CLEC3A: variants seen among roughly 807,000 people sequenced by gnomAD.
The protein encoded by CLEC3A is C-type (calcium dependent, carbohydrate-recognition domain) lectin, superfamily member 1 (cartilage-derived).
CLEC3A carries 28 observed loss-of-function variants against 20.4 expected under a neutral mutation model. The ratio of observed to expected loss-of-function variants is 1.37; its 90% CI spans 1.02 to 1.88. CLEC3A has a LOEUF of 1.88. Among genes scored for constraint, CLEC3A ranks in the 40% most tolerant of loss-of-function variants. The pLI, the probability that CLEC3A is intolerant of heterozygous loss-of-function variation, is 0.00. For synonymous variants in CLEC3A, 110 were observed against 88.1 expected (o/e 1.25, Z -1.39); for missense variants, 357 against 240.4 (o/e 1.48, Z -3.21).
intron 2 of CLEC3A, among the ~76,000 whole-genome samples, chr16:78,029,562 G>A (rs1196968213): frequency 1.3e-5 from 2 of 152,010 alleles, no homozygotes; most frequent in African/African-American, 2.4e-5. Context: ...TACAGACGGG[G>A]TTTCACTATG....
At chr16:78,023,275 C>A (rs1336517634) in intron 1 of CLEC3A, among the ~76,000 whole-genome samples, 1 of 152,078 alleles carries the variant, frequency 6.6e-6, no homozygotes, top group Non-Finnish European at 1.5e-5. Flanking sequence ...TAAGGACAAC[C>A]TATACCATAT....
Position 78,022,754 on chromosome 16 carries a change from C to G in CLEC3A, c.115+13C>G. 2 of 1,612,570 alleles carry G rather than the reference C, an allele frequency of 1.2e-6. No individual in the cohort carries two copies. ...CGTCGAGTGAGAGGTAATGGGGCTTCTCAATCAAGCAAAATTCTAGGCTTA... is the reference window on the plus strand; with the variant it reads ...CGTCGAGTGAGAGGTAATGGGGCTTGTCAATCAAGCAAAATTCTAGGCTTA... On this transcript the variant is annotated intron_variant, in intron 1 of 2. Transcript: ENST00000299642.
rs1242304404 is a variant in CLEC3A at position 78,032,010 on chromosome 16, T to C, written c.*1169T>C. On this transcript the variant is annotated 3_prime_UTR_variant, in exon 3 of 3. Coordinates refer to ENST00000299642, the MANE Select transcript of CLEC3A (RefSeq NM_005752.6). ...AACATTGAATGTGTTTTGTGAACAA[T>C]ATCCCACTTTGCAAACTTTAACTAC... 1.3e-5 allele frequency: 2 copies of C among 152,622 alleles called. No homozygotes were observed. Among genetic ancestry groups the C allele is most frequent in the East Asian group, 1.9e-4 (1 of 5,202 alleles). The allele number at this position is 152,622 out of a possible 1,614,324, so 9.5% of individuals were successfully genotyped here.
rs993215500 is a variant in CLEC3A at position 78,030,521 on chromosome 16, A to C, written c.274A>C (p.Asn92His). Reference sequence around the variant, plus strand: ...AGGTTTGAAGCATTTCCATGAGGCCAATGAAGACTGCATTTCCAAAGGAGG... The same window carrying C: ...AGGTTTGAAGCATTTCCATGAGGCCCATGAAGACTGCATTTCCAAAGGAGG... ...SEGLKHFHEA[N>H]EDCISKGGIL... The change falls in exon 3 of 3, where the codon AAT (asparagine) becomes CAT (histidine). Residue 92 changes from asparagine (N) to histidine (H), a missense_variant. Asn to His is a moderately conservative substitution (Grantham distance 68). Transcript: ENST00000299642. 1 of 1,614,178 alleles carries C rather than the reference A, an allele frequency of 6.2e-7. No individual in the cohort carries two copies. The highest frequency in any genetic ancestry group is 1.6e-4 in the Middle Eastern group (1 of 6,062).
chr16:78,026,578 G>T (rs2029928758), intron 1 of CLEC3A, among the ~76,000 whole-genome samples: 1 of 152,180 alleles, frequency 6.6e-6, no homozygotes, highest in Non-Finnish European at 1.5e-5. Context: ...TCTTTCTTCT[G>T]CAGAATGGAG....
Position 78,027,247 on chromosome 16 carries a change from AC to A in CLEC3A, c.116-859del, listed in dbSNP as rs1447495040. On this transcript the variant is annotated intron_variant, in intron 1 of 2. Transcript: ENST00000299642. Reference sequence around the variant, plus strand: ...ATAGAGAAAAGAAAATATACAGAATACTCTATAAAATATGGAATAAAATAAA... The same window carrying A: ...ATAGAGAAAAGAAAATATACAGAATATCTATAAAATATGGAATAAAATAAA... Among the ~76,000 whole-genome samples the A allele has an allele frequency of 3.9e-5, 6 of 152,342 alleles. No individual in the cohort carries two copies. The East Asian group carries it at 1.2e-3, about 29-fold the overall frequency.
chr16:78,022,763 G>A, intron 1 of CLEC3A, 22 bp downstream of exon 1: 2 of 1,613,356 alleles, frequency 1.2e-6, no homozygotes, highest in Non-Finnish European at 8.5e-7. Context: ...TCTCAATCAA[G>A]CAAAATTCTA....
At chr16:78,022,791 G>A in intron 1 of CLEC3A, 50 bp downstream of exon 1, 1 of 1,597,106 alleles carries the variant, frequency 6.3e-7, no homozygotes, top group Non-Finnish European at 8.6e-7. Context: ...ACAGTGTGGG[G>A]AGGTGCTGGA....
intron 2 of CLEC3A, chr16:78,029,030 T>C (rs914661269): frequency 1.8e-5 from 8 of 434,668 alleles, no homozygotes; most frequent in Non-Finnish European, 3.7e-5. Context: ...GTTTGGTTCA[T>C]CCTTTACCCA....
At chr16:78,029,047 G>A (rs938849994) in intron 2 of CLEC3A, 2 of 445,646 alleles carry the variant, frequency 4.5e-6, no homozygotes, top group Non-Finnish European at 9.0e-6. Context: ...CCCACAGTCA[G>A]GTACTAGAAA....
chr16:78,031,915 T>G lies in CLEC3A; in HGVS notation c.*1074T>G, dbSNP rs557239766. On this transcript the variant is annotated 3_prime_UTR_variant, in exon 3 of 3. Coordinates refer to ENST00000299642, the MANE Select transcript of CLEC3A (RefSeq NM_005752.6). ...AATATCAAATTACAAAGTTTAGACTTGGAGGGAAATGGGCTTTTTAGAAGC... is the reference window on the plus strand; with the variant it reads ...AATATCAAATTACAAAGTTTAGACTGGGAGGGAAATGGGCTTTTTAGAAGC... The G allele has an allele frequency of 6.6e-6, 1 of 152,532 alleles. No individual in the cohort carries two copies. The highest frequency in any genetic ancestry group is 1.5e-5 in the Non-Finnish European group (1 of 68,026). 9.4% of individuals were successfully genotyped at this position (152,532 alleles called of 1,614,324 possible).
chr16:78,024,733 G>A (rs1295244209), intron 1 of CLEC3A, among the ~76,000 whole-genome samples: 1 of 152,118 alleles, frequency 6.6e-6, no homozygotes, highest in Non-Finnish European at 1.5e-5. Flanking sequence ...GATCAAAAGT[G>A]AAAGCCATCT....
rs1296979120 is a variant in CLEC3A, at chr16:78,032,073, C to T, written c.*1232C>T. 1 of 152,460 alleles carries T rather than the reference C, an allele frequency of 6.6e-6. No individual in the cohort carries two copies. The highest frequency in any genetic ancestry group is 2.4e-5 in the African/African-American group (1 of 41,378). 9.4% of individuals were successfully genotyped at this position (152,460 alleles called of 1,614,324 possible). The stretch of plus-strand genomic sequence containing the variant: ...TTAAGTTTTAGCTGTTTTCATTGCT[C>T]AATAATAAAGCCTGAATTCTGATCA... On this transcript the variant is annotated 3_prime_UTR_variant, in exon 3 of 3. Transcript: ENST00000299642.
chr16:78,025,227 G>C (rs1181525274), intron 1 of CLEC3A, among the ~76,000 whole-genome samples: 3 of 152,190 alleles, frequency 2.0e-5, no homozygotes, highest in African/African-American at 4.8e-5. Context: ...ACCTTGGATA[G>C]TTACCAGTGT....
Position 78,022,612 on chromosome 16 carries a change from G to A in CLEC3A, c.-15G>A, listed in dbSNP as rs779739323. 1.2e-6 allele frequency: 2 copies of A among 1,613,660 alleles called. No individual in the cohort carries two copies. The highest frequency in any genetic ancestry group is 2.2e-5 in the East Asian group (1 of 44,856). ...GGGGGCTGGCAACATGGCTCAGCAG[G>A]CTTGCCCCAGAGCCATGGCAAAGAA... is the stretch of plus-strand genomic sequence containing the variant. On this transcript the variant is annotated 5_prime_UTR_variant, in exon 1 of 3. Coordinates refer to ENST00000299642, the MANE Select transcript of CLEC3A (RefSeq NM_005752.6).
At chr16:78,026,818 G>T (rs1205289039) in intron 1 of CLEC3A, among the ~76,000 whole-genome samples, 3 of 152,192 alleles carry the variant, frequency 2.0e-5, no homozygotes, top group Non-Finnish European at 4.4e-5. Flanking sequence ...CAGCTATAAA[G>T]ATCCTTTAGC....
chr16:78,029,036 A>T, intron 2 of CLEC3A: 2 of 439,742 alleles, frequency 4.5e-6, no homozygotes, highest in South Asian at 3.3e-5. Flanking sequence ...TTCATCCTTT[A>T]CCCACAGTCA....
At chr16:78,028,822 G>A (rs1231869486) in intron 2 of CLEC3A, among the ~76,000 whole-genome samples, 1 of 152,214 alleles carries the variant, frequency 6.6e-6, no homozygotes, top group African/African-American at 2.4e-5. Flanking sequence ...ACAAGTTACT[G>A]CCTTCAGGGA....
In CLEC3A at chr16:78,029,969, C is replaced by G. The variant is rs1392211772; in HGVS notation, c.200-478C>G. On this transcript the variant is annotated intron_variant, in intron 2 of 2. Coordinates refer to ENST00000299642, the MANE Select transcript of CLEC3A (RefSeq NM_005752.6). ...GAGATCGAGACCATCCTGGCTAACA[C>G]GGTGAAATCCCGTCTCTACTAAAAA... 3.3e-5 allele frequency among the ~76,000 whole-genome samples: 5 copies of G among 151,880 alleles called. No individual in the cohort carries two copies. The East Asian group carries it at 7.9e-4, about 24-fold the overall frequency.
Sources: allele counts gnomAD v4.1 joint callset (sites outside exome capture counted in the v4.1 genomes callset), GRCh38; gene constraint gnomAD v4.1.1; transcripts MANE v1.5; gene names NCBI Gene and HGNC (gene_info 2026-07-23, HGNC 2026-07-21).